The following CNP variants were observed in gnomAD, a reference collection of about 807,000 sequenced individuals.
CNP encodes the protein 2',3'-cyclic nucleotide 3' phosphodiesterase.
Under a neutral mutation model 37.9 loss-of-function variants are expected in CNP, and 8 were observed. The ratio of observed to expected loss-of-function variants is 0.21; its 90% confidence interval spans 0.12 to 0.38. CNP has a LOEUF of 0.38. CNP is among the 10% of genes least tolerant of loss of function. The pLI is 1.00. For missense variants in CNP, 457 were observed against 551.0 expected, an observed-to-expected ratio of 0.83 and a Z score of 1.71; for synonymous variants, 237 against 238.3, an observed-to-expected ratio of 0.99 and a Z score of 0.05.
chr17:41,976,461 CT>C lies in CNP; in HGVS notation c.*2547del, dbSNP rs71705091. The C allele has an allele frequency of 1.7e-4, 58 of 335,782 alleles. No homozygotes were observed. The highest frequency in any genetic ancestry group is 5.3e-4 in the Admixed American group (10 of 19,026). 20.8% of individuals were successfully genotyped at this position (335,782 alleles called of 1,614,324 possible). A position where few individuals can be genotyped will look rare whatever the true frequency, so the allele number is the denominator to read the frequency against. ...AGGAAGGGTCAAAACATTTTATTCT[CT>C]TTTTTTTTTCTTTTTTAATAAAGTT... On this transcript the variant is annotated 3_prime_UTR_variant, in exon 4 of 4. Coordinates refer to ENST00000393892, the MANE Select transcript of CNP (RefSeq NM_033133.5).
Position 41,973,955 on chromosome 17 carries a change from G to A in CNP, c.*31G>A. On this transcript the variant is annotated 3_prime_UTR_variant, in exon 4 of 4. Transcript: ENST00000393892. ...CTCACCACCACTTATGCCCCTAGAAGGGAAGGGGAGAGGGAAACGTGCCCT... is the reference window on the plus strand; with the variant it reads ...CTCACCACCACTTATGCCCCTAGAAAGGAAGGGGAGAGGGAAACGTGCCCT... 9 of 1,428,674 alleles carry A rather than the reference G, an allele frequency of 6.3e-6. No homozygotes were observed. The highest frequency in any genetic ancestry group is 8.3e-6 in the Non-Finnish European group (9 of 1,090,460). 88.5% of individuals were successfully genotyped at this position (1,428,674 alleles called of 1,614,324 possible). A position where few individuals can be genotyped will look rare whatever the true frequency, so the allele number is the denominator to read the frequency against.
chr17:41,966,891 A>G lies in CNP; in HGVS notation c.3+4A>G. 7.4e-7 allele frequency: 1 copy of G among 1,348,872 alleles called. No homozygotes were observed. The highest frequency in any genetic ancestry group is 9.5e-7 in the Non-Finnish European group (1 of 1,052,532). 83.6% of individuals were successfully genotyped at this position (1,348,872 alleles called of 1,614,324 possible). ...GGTGGCGCCCCTCCTCATCATGGTG[A>G]GAGGCCGGGCGGGGCCGGGCACGGG... On this transcript the variant is annotated splice_donor_region_variant and intron_variant, in intron 1 of 3. Transcript: ENST00000393892.
chr17:41,977,224 T>G lies in CNP; in HGVS notation c.*3300T>G, dbSNP rs114905433. 6,208 of 1,561,466 alleles carry G rather than the reference T, an allele frequency of 4.0e-3. 225 individuals carry two copies. The African/African-American group carries it at 0.076, about 19-fold the overall frequency. ...AAGAGGCAATGAGTGTGTTGGCTTG[T>G]GATCTGGGAACTCCCAAGAACAGCA... On this transcript the variant is annotated 3_prime_UTR_variant, in exon 4 of 4. Coordinates refer to ENST00000393892, the MANE Select transcript of CNP (RefSeq NM_033133.5).
rs1166899455 is a variant in CNP, at chr17:41,975,096, G to C, written c.*1172G>C. 1 of 152,232 alleles carries C rather than the reference G, an allele frequency of 6.6e-6. No homozygotes were observed. Among genetic ancestry groups the C allele is most frequent in the Admixed American group, 6.5e-5 (1 of 15,276 alleles). 9.4% of individuals were successfully genotyped at this position (152,232 alleles called of 1,614,324 possible). ...GGTTGTCACTCAACAAAAGTGCTTTGGATTTAAGTTACTATCCTGGCTTTG... is the reference window on the plus strand; with the variant it reads ...GGTTGTCACTCAACAAAAGTGCTTTCGATTTAAGTTACTATCCTGGCTTTG... On this transcript the variant is annotated 3_prime_UTR_variant, in exon 4 of 4. Coordinates refer to ENST00000393892, the MANE Select transcript of CNP (RefSeq NM_033133.5).
rs2051108007 is a variant in CNP at position 41,977,167 on chromosome 17, C to T, written c.*3243C>T. On this transcript the variant is annotated 3_prime_UTR_variant, in exon 4 of 4. Coordinates refer to ENST00000393892, the MANE Select transcript of CNP (RefSeq NM_033133.5). The stretch of plus-strand genomic sequence containing the variant: ...AGATGAGAATTCAGCTGCCCCCGCT[C>T]ATGGGCCCCTCTGACTCCCAAAGAG... The T allele has an allele frequency of 7.8e-7, 1 of 1,282,258 alleles. No homozygotes were observed. The highest frequency in any genetic ancestry group is 2.2e-5 in the Admixed American group (1 of 46,412). The allele number at this position is 1,282,258 out of a possible 1,614,324, so 79.4% of individuals were successfully genotyped here.
In CNP at chr17:41,973,724, A is replaced by C; in HGVS notation, c.1066A>C (p.Lys356Gln). 6.2e-7 allele frequency: 1 copy of C among 1,611,660 alleles called. No homozygotes were observed. Among genetic ancestry groups the C allele is most frequent in the South Asian group, 1.1e-5 (1 of 90,924 alleles). ...LDLLEILRQE[K>Q]GGSRGEEVGE... ...CCTCTTAGAGATTCTGCGGCAGGAGAAGGGGGGCAGCCGAGGCGAGGAGGT... is the reference window on the plus strand; with the variant it reads ...CCTCTTAGAGATTCTGCGGCAGGAGCAGGGGGGCAGCCGAGGCGAGGAGGT... Residue 356 changes from lysine (K) to glutamine (Q), a missense_variant, in exon 4 of 4, where the codon AAG becomes CAG. By Grantham distance (53) the Lys-to-Gln change is moderately conservative. Around this residue, in one of 2 missense-constraint regions of CNP, gnomAD observed 291 missense variants for 291.7 expected, o/e 1.00. Transcript: ENST00000393892.
In CNP at chr17:41,976,468, TTTTC is replaced by T; in HGVS notation, c.*2548_*2551del. 2.2e-6 allele frequency: 1 copy of T among 451,690 alleles called. No individual in the cohort carries two copies. Among genetic ancestry groups the T allele is most frequent in the Non-Finnish European group, 3.9e-6 (1 of 259,166 alleles). The allele number at this position is 451,690 out of a possible 1,614,324, so 28.0% of individuals were successfully genotyped here. A position where few individuals can be genotyped will look rare whatever the true frequency, so the allele number is the denominator to read the frequency against. On this transcript the variant is annotated 3_prime_UTR_variant, in exon 4 of 4. Coordinates refer to ENST00000393892, the MANE Select transcript of CNP (RefSeq NM_033133.5). ...GTCAAAACATTTTATTCTCTTTTTTTTTTCTTTTTTAATAAAGTTAAACAGTAAA... is the reference window on the plus strand; with the variant it reads ...GTCAAAACATTTTATTCTCTTTTTTTTTTTTTAATAAAGTTAAACAGTAAA...
chr17:41,977,421 T>C lies in CNP; in HGVS notation c.*3497T>C. 1 of 1,123,864 alleles carries C rather than the reference T, an allele frequency of 8.9e-7. No individual in the cohort carries two copies. The highest frequency in any genetic ancestry group is 1.3e-6 in the Non-Finnish European group (1 of 771,184). The allele number at this position is 1,123,864 out of a possible 1,614,324, so 69.6% of individuals were successfully genotyped here. Reference sequence around the variant, plus strand: ...ACACTGAGAACAGATCTCCAAAGCTTTCCTGGAGAGTCTCACTCCCCTCCT... The same window carrying C: ...ACACTGAGAACAGATCTCCAAAGCTCTCCTGGAGAGTCTCACTCCCCTCCT... On this transcript the variant is annotated 3_prime_UTR_variant, in exon 4 of 4. Transcript: ENST00000393892.
Position 41,976,629 on chromosome 17 carries a change from C to G in CNP, c.*2705C>G. The G allele has an allele frequency of 6.7e-7, 1 of 1,482,312 alleles. No individual in the cohort carries two copies. Among genetic ancestry groups the G allele is most frequent in the South Asian group, 1.2e-5 (1 of 81,890 alleles). 91.8% of individuals were successfully genotyped at this position (1,482,312 alleles called of 1,614,324 possible). On this transcript the variant is annotated 3_prime_UTR_variant, in exon 4 of 4. Coordinates refer to ENST00000393892, the MANE Select transcript of CNP (RefSeq NM_033133.5). Reference sequence around the variant, plus strand: ...ATCCAACTGAGAAAACGAAACTGCTCTAAGCACACGGAGACGTGATGAAGG... The same window carrying G: ...ATCCAACTGAGAAAACGAAACTGCTGTAAGCACACGGAGACGTGATGAAGG...
At position 41,977,148 on chromosome 17, in the gene CNP, G is replaced by A; in HGVS notation, c.*3224G>A. Reference sequence around the variant, plus strand: ...AGTGGATAGATGCCCTGCTAGATGAGAATTCAGCTGCCCCCGCTCATGGGC... The same window carrying A: ...AGTGGATAGATGCCCTGCTAGATGAAAATTCAGCTGCCCCCGCTCATGGGC... On this transcript the variant is annotated 3_prime_UTR_variant, in exon 4 of 4. Coordinates refer to ENST00000393892, the MANE Select transcript of CNP (RefSeq NM_033133.5). 2 of 1,080,090 alleles carry A rather than the reference G, an allele frequency of 1.9e-6. No individual in the cohort carries two copies. Among genetic ancestry groups the A allele is most frequent in the Non-Finnish European group, 2.7e-6 (2 of 737,448 alleles). The allele number at this position is 1,080,090 out of a possible 1,614,324, so 66.9% of individuals were successfully genotyped here. A position where few individuals can be genotyped will look rare whatever the true frequency, so the allele number is the denominator to read the frequency against.
Position 41,973,653 on chromosome 17 carries a change from C to T in CNP, c.995C>T (p.Thr332Ile). Residue 332 changes from threonine (T) to isoleucine (I), a missense_variant, in exon 4 of 4, where the codon ACC becomes ATC. By Grantham distance (89) the Thr-to-Ile change is moderately conservative. This residue lies in a region of CNP where 291 missense variants were observed against 291.7 expected (regional missense o/e 1.00). Coordinates refer to ENST00000393892, the MANE Select transcript of CNP (RefSeq NM_033133.5). ...NLPRGSRAHITLGCAADVEAV... is the reference protein window; with the variant it reads ...NLPRGSRAHIILGCAADVEAV... ...CCGCGGGGGAGCCGCGCCCACATCA[C>T]CCTCGGCTGTGCAGCTGACGTAGAG... The T allele has an allele frequency of 2.5e-6, 4 of 1,614,060 alleles. No homozygotes were observed. Among genetic ancestry groups the T allele is most frequent in the African/African-American group, 2.7e-5 (2 of 75,062 alleles).
rs1160122714 is a variant in CNP at position 41,975,701 on chromosome 17, TG to T, written c.*1778del. ...GCTAAGGCACCAGCCGGGGAAGACT[TG>T]AAAGAAAGGGGCAGGAGCTCAGATG... On this transcript the variant is annotated 3_prime_UTR_variant, in exon 4 of 4. Coordinates refer to ENST00000393892, the MANE Select transcript of CNP (RefSeq NM_033133.5). 9 of 152,122 alleles carry T rather than the reference TG, an allele frequency of 5.9e-5. No homozygotes were observed. The highest frequency in any genetic ancestry group is 2.2e-4 in the African/African-American group (9 of 41,384). 9.4% of individuals were successfully genotyped at this position (152,122 alleles called of 1,614,324 possible).
rs2051104206 is a variant in CNP, at chr17:41,977,089, G to A, written c.*3165G>A. On this transcript the variant is annotated 3_prime_UTR_variant, in exon 4 of 4. Coordinates refer to ENST00000393892, the MANE Select transcript of CNP (RefSeq NM_033133.5). ...AAGGTCCCAAGGCAAGGGGTGCCTG[G>A]GAACCTTCCTGTCTTCATCCTTAGC... The A allele has an allele frequency of 1.4e-6, 1 of 732,202 alleles. No individual in the cohort carries two copies. The highest frequency in any genetic ancestry group is 2.2e-6 in the Non-Finnish European group (1 of 447,256). 45.4% of individuals were successfully genotyped at this position (732,202 alleles called of 1,614,324 possible).
Position 41,966,901 on chromosome 17 carries a change from C to T in CNP, c.3+14C>T. The T allele has an allele frequency of 3.0e-6, 4 of 1,340,466 alleles. No homozygotes were observed. The highest frequency in any genetic ancestry group is 3.9e-5 in the Admixed American group (1 of 25,400). The allele number at this position is 1,340,466 out of a possible 1,614,324, so 83.0% of individuals were successfully genotyped here. A position where few individuals can be genotyped will look rare whatever the true frequency, so the allele number is the denominator to read the frequency against. On this transcript the variant is annotated intron_variant, in intron 1 of 3. Coordinates refer to ENST00000393892, the MANE Select transcript of CNP (RefSeq NM_033133.5). The stretch of plus-strand genomic sequence containing the variant: ...CTCCTCATCATGGTGAGAGGCCGGG[C>T]GGGGCCGGGCACGGGGTAGCACCAG...
At chr17:41,970,948 AC>A (rs1469001246) in intron 2 of CNP, 1 of 151,914 alleles carries the variant, frequency 6.6e-6, no homozygotes, top group Non-Finnish European at 1.5e-5. Flanking sequence ...ATAGTCCAAG[AC>A]CCTTCCTGTA....
chr17:41,973,784 G>C lies in CNP; in HGVS notation c.1126G>C (p.Gly376Arg). 1 of 1,612,820 alleles carries C rather than the reference G, an allele frequency of 6.2e-7. No individual in the cohort carries two copies. The highest frequency in any genetic ancestry group is 1.1e-5 in the South Asian group (1 of 90,850). The change falls in exon 4 of 4, where the codon GGC becomes CGC. Residue 376 changes from glycine (G) to arginine (R), a missense_variant. By Grantham distance (125) the Gly-to-Arg change is moderately radical. This residue lies in a region of CNP where 291 missense variants were observed against 291.7 expected (regional missense o/e 1.00). Transcript: ENST00000393892. ...ELSRGKLYSL[G>R]NGRWMLTLAK... ...AAGCCGGGGCAAGCTCTATTCCTTG[G>C]GCAATGGGCGCTGGATGCTGACCCT...
chr17:41,974,003 CAT>C lies in CNP; in HGVS notation c.*80_*81del, dbSNP rs1491475517. On this transcript the variant is annotated 3_prime_UTR_variant, in exon 4 of 4. Coordinates refer to ENST00000393892, the MANE Select transcript of CNP (RefSeq NM_033133.5). The stretch of plus-strand genomic sequence containing the variant: ...CCTCTGTTTGATCCTTGTTTTGTGA[CAT>C]TTTTTTTTTTTTTTTTTTTACTCAA... 109 of 769,598 alleles carry C rather than the reference CAT, an allele frequency of 1.4e-4. No homozygotes were observed. The highest frequency in any genetic ancestry group is 1.5e-4 in the Non-Finnish European group (85 of 549,566). 47.7% of individuals were successfully genotyped at this position (769,598 alleles called of 1,614,324 possible). A position where few individuals can be genotyped will look rare whatever the true frequency, so the allele number is the denominator to read the frequency against.
At chr17:41,972,763 C>T (rs2051009586) in intron 3 of CNP, among the ~76,000 whole-genome samples, 1 of 152,230 alleles carries the variant, frequency 6.6e-6, no homozygotes, top group Admixed American at 6.5e-5. Flanking sequence ...GAATATGTAA[C>T]ACCTGAGCTA....
At position 41,968,797 on chromosome 17, in the gene CNP, G is replaced by C; in HGVS notation, c.676+57G>C. On this transcript the variant is annotated intron_variant, in intron 2 of 3. Transcript: ENST00000393892. The surrounding 1 kb of genome is among the most constrained non-coding windows in gnomAD (Gnocchi z 4.8). ...CCTTGCTGGGCACAGGGTGCTGCGG[G>C]CAAAGGACCATCATTGTACTCAAAG... 4.0e-6 allele frequency: 6 copies of C among 1,512,978 alleles called. No individual in the cohort carries two copies. Among genetic ancestry groups the C allele is most frequent in the Non-Finnish European group, 3.5e-6 (4 of 1,127,370 alleles). 93.7% of individuals were successfully genotyped at this position (1,512,978 alleles called of 1,614,324 possible).
Sources: allele counts gnomAD v4.1 joint callset (sites outside exome capture counted in the v4.1 genomes callset), GRCh38; gene constraint gnomAD v4.1.1; regional missense constraint gnomAD v4.1.1; non-coding constraint Gnocchi (gnomAD v3.1); transcripts MANE v1.5; gene names NCBI Gene and HGNC (gene_info 2026-07-23, HGNC 2026-07-21).